SYCP2L: variants seen among roughly 807,000 people sequenced by gnomAD.
SYCP2L encodes the protein synaptonemal complex protein 2 like.
SYCP2L carries 98 observed loss-of-function variants against 125.8 expected under a neutral mutation model. The observed-to-expected ratio is 0.78, with a 90% CI of 0.66 to 0.92. The LOEUF (loss-of-function observed/expected upper bound fraction) is 0.92. Among genes scored for constraint, SYCP2L ranks in the 40% least tolerant of loss-of-function variants. SYCP2L has a pLI of 0.00. For synonymous variants in SYCP2L, 317 were observed against 325.4 expected, an observed-to-expected ratio of 0.97 and a Z score of 0.28; for missense variants, 842 against 936.4, an observed-to-expected ratio of 0.90 and a Z score of 1.32.
At chr6:10,909,582 G>A in intron 10 of SYCP2L, among the ~76,000 whole-genome samples, 1 of 152,134 alleles carries the variant, frequency 6.6e-6, no homozygotes, top group Non-Finnish European at 1.5e-5. Flanking sequence ...TTAGAATGTT[G>A]GGGGGCAGCA....
intron 14 of SYCP2L, among the ~76,000 whole-genome samples, chr6:10,920,103 C>T (rs1190412703): frequency 6.6e-6 from 1 of 152,086 alleles, no homozygotes; most frequent in Non-Finnish European, 1.5e-5. Context: ...CCATCGTGGG[C>T]AGAACTAGGT....
chr6:10,959,588 A>G (rs1352299371), intron 26 of SYCP2L, among the ~76,000 whole-genome samples: 2 of 152,242 alleles, frequency 1.3e-5, no homozygotes, highest in Non-Finnish European at 2.9e-5. Context: ...AGAAAACACC[A>G]GCCAGGCGTG....
Position 10,888,066 on chromosome 6 carries a change from CTTTTTTTTTTTTTTTTTTTTTTTTTTTT to C in SYCP2L, c.9+952_9+979del, listed in dbSNP as rs70991066. ...AATCCTTCCATATAGGTGTTACCAT[CTTTTTTTTTTTTTTTTTTTTTTTTTTTT>C]TTTTTTTTTTTTTTTTTTTTGAGAC... On this transcript the variant is annotated intron_variant, in intron 1 of 29. Coordinates refer to ENST00000283141, the MANE Select transcript of SYCP2L (RefSeq NM_001040274.3). 8.7e-4 allele frequency among the ~76,000 whole-genome samples: 65 copies of C among 74,368 alleles called. 1 individual carries two copies. The highest frequency in any genetic ancestry group is 4.6e-3 in the Admixed American group (25 of 5,438). The allele number at this position is 74,368 out of a possible 152,430, so 48.8% of individuals were successfully genotyped here.
intron 25 of SYCP2L, 98 bp downstream of exon 25, chr6:10,956,340 T>C (rs1036725023): frequency 1.9e-5 from 17 of 906,426 alleles, no homozygotes; most frequent in Non-Finnish European, 2.6e-5. Flanking sequence ...GTCTCACTTA[T>C]ATTGAAATCT....
intron 6 of SYCP2L, 76 bp downstream of exon 6, chr6:10,898,924 T>A: frequency 2.1e-6 from 2 of 959,224 alleles, no homozygotes; most frequent in East Asian, 5.0e-5. Context: ...AAAAGAAAAA[T>A]GATATGTAAA....
intron 21 of SYCP2L, among the ~76,000 whole-genome samples, chr6:10,937,264 T>C (rs1160476449): frequency 1.3e-5 from 2 of 152,122 alleles, no homozygotes; most frequent in African/African-American, 4.8e-5. Context: ...ATCACAGCAG[T>C]ATGAAACTAG....
chr6:10,921,851 G>A (rs187088110), intron 14 of SYCP2L, among the ~76,000 whole-genome samples: 16 of 151,778 alleles, frequency 1.1e-4, no homozygotes, highest in African/African-American at 2.2e-4. Context: ...GACTACAGGC[G>A]CCCGCCACCA....
intron 4 of SYCP2L, among the ~76,000 whole-genome samples, chr6:10,895,546 G>A (rs777055721): frequency 1.2e-4 from 18 of 152,006 alleles, no homozygotes; most frequent in African/African-American, 4.3e-4. Flanking sequence ...AATAAGGAAA[G>A]GAATGTGAGC....
intron 25 of SYCP2L, among the ~76,000 whole-genome samples, chr6:10,956,821 A>T (rs188426161): frequency 2.4e-4 from 36 of 152,066 alleles, no homozygotes; most frequent in African/African-American, 8.2e-4. Context: ...TTGAATACAT[A>T]ACACTTTTGT....
chr6:10,888,500 A>G (rs1475820958), intron 1 of SYCP2L, among the ~76,000 whole-genome samples: 1 of 152,110 alleles, frequency 6.6e-6, no homozygotes, highest in African/African-American at 2.4e-5. Flanking sequence ...CCTACCCACA[A>G]AAGCTGCCAC....
intron 21 of SYCP2L, 59 bp downstream of exon 21, chr6:10,935,246 G>A (rs1781072332): frequency 4.5e-6 from 7 of 1,548,538 alleles, no homozygotes; most frequent in Non-Finnish European, 6.2e-6. Context: ...AAGGTAGTTT[G>A]AAGTAAACAA....
intron 23 of SYCP2L, among the ~76,000 whole-genome samples, chr6:10,943,427 A>G (rs955288128): frequency 3.3e-5 from 5 of 152,320 alleles, no homozygotes; most frequent in Admixed American, 3.3e-4. Context: ...TGCTTTCAAA[A>G]TCCTGGTATG....
chr6:10,957,388 C>A (rs563387361), intron 25 of SYCP2L, among the ~76,000 whole-genome samples: 46 of 152,172 alleles, frequency 3.0e-4, no homozygotes, highest in African/African-American at 1.1e-3. Context: ...ACCAAGTGGA[C>A]CTATGTGTAA....
intron 16 of SYCP2L, 55 bp downstream of exon 16, chr6:10,926,487 A>C: frequency 7.1e-7 from 1 of 1,408,576 alleles, no homozygotes; most frequent in Non-Finnish European, 1.0e-6. Flanking sequence ...AAGCGATGAA[A>C]CCTTAGTTGG....
chr6:10,899,793 T>C (rs1299379115), intron 6 of SYCP2L, among the ~76,000 whole-genome samples: 1 of 152,232 alleles, frequency 6.6e-6, no homozygotes, highest in Non-Finnish European at 1.5e-5. Flanking sequence ...AAAACTTGGT[T>C]GACTTGGTTG....
At position 10,928,428 on chromosome 6, in the gene SYCP2L, T is replaced by A. The variant is rs772200029; in HGVS notation, c.1466T>A (p.Val489Asp). The A allele has an allele frequency of 1.8e-5, 28 of 1,584,750 alleles. No homozygotes were observed. The highest frequency in any genetic ancestry group is 7.7e-6 in the Non-Finnish European group (9 of 1,166,774). ...CTTCAGCCGGTCCCTCCGTTCGGGG[T>A]CCCTGACTTCCCGCAACAACCTGTG... ...SHLQPVPPFGVPDFPQQPKSH... is the reference protein window; with the variant it reads ...SHLQPVPPFGDPDFPQQPKSH... Residue 489 changes from valine to aspartate, a missense_variant, in exon 18 of 30, where the codon GTC (valine) becomes GAC (aspartate). Coordinates refer to ENST00000283141, the MANE Select transcript of SYCP2L (RefSeq NM_001040274.3).
chr6:10,924,718 T>G, intron 15 of SYCP2L, 77 bp downstream of exon 15: 1 of 1,268,334 alleles, frequency 7.9e-7, no homozygotes, highest in South Asian at 2.3e-5. Flanking sequence ...CTTGTTGGGT[T>G]TTGATGTGAA....
chr6:10,927,199 G>T, intron 16 of SYCP2L, 41 bp from the exon 17 acceptor site: 1 of 1,611,102 alleles, frequency 6.2e-7, no homozygotes, highest in Non-Finnish European at 8.5e-7. Context: ...ATGTCAGCGT[G>T]TGCACGGTTA....
intron 23 of SYCP2L, among the ~76,000 whole-genome samples, chr6:10,946,828 A>G (rs1767759): frequency 2.0e-5 from 3 of 151,556 alleles, no homozygotes; most frequent in Non-Finnish European, 4.4e-5. Flanking sequence ...TACGTCTAAG[A>G]TAAACCTTTT....
Sources: gnomAD v4.1 joint callset for allele counts (sites outside exome capture counted in the v4.1 genomes callset) on GRCh38, gnomAD v4.1.1 for gene constraint, MANE v1.5 for transcripts, NCBI Gene and HGNC (gene_info 2026-07-23, HGNC 2026-07-21) for gene names.